The following CUX1 variants were observed in gnomAD, a reference collection of about 807,000 sequenced individuals.
CUX1 encodes protein CASP.
In CUX1, 31 loss-of-function variants were observed where a neutral mutation model predicts 158.8. The ratio of observed to expected loss-of-function variants is 0.20; its 90% CI spans 0.15 to 0.26. The LOEUF (loss-of-function observed/expected upper bound fraction) is 0.26. CUX1 is among the 10% of genes least tolerant of loss of function. The pLI, the probability that CUX1 is intolerant of heterozygous loss-of-function variation, is 1.00. For missense variants in CUX1, 1,589 were observed against 2,014.6 expected (o/e 0.79, Z 4.04); for synonymous variants, 879 against 862.1 (o/e 1.02, Z -0.34).
At chr7:102,016,050 A>G (rs989686464) in intron 2 of CUX1, among the ~76,000 whole-genome samples, 1 of 152,024 alleles carries the variant, frequency 6.6e-6, no homozygotes, top group African/African-American at 2.4e-5. Context: ...CCTAGGCTCA[A>G]GCGATCCTCC....
At chr7:102,010,231 T>C (rs2129294033) in intron 2 of CUX1, among the ~76,000 whole-genome samples, 1 of 151,964 alleles carries the variant, frequency 6.6e-6, no homozygotes, top group Non-Finnish European at 1.5e-5. Context: ...CCGTCTCTAC[T>C]AAATAATACA....
chr7:102,182,216 A>G (rs1269214601), intron 11 of CUX1, among the ~76,000 whole-genome samples: 2 of 152,180 alleles, frequency 1.3e-5, no homozygotes, highest in African/African-American at 2.4e-5. Context: ...TCTTTGAGAC[A>G]TGTGCCAGGG....
chr7:101,875,527 G>A (rs1799036499), intron 1 of CUX1, among the ~76,000 whole-genome samples: 1 of 152,194 alleles, frequency 6.6e-6, no homozygotes, highest in East Asian at 1.9e-4. Context: ...GAAGCTAGGG[G>A]AGGATGAAAA....
intron 2 of CUX1, among the ~76,000 whole-genome samples, chr7:101,997,030 G>A (rs1816007932): frequency 6.8e-6 from 1 of 146,434 alleles, no homozygotes; most frequent in South Asian, 2.1e-4. Flanking sequence ...CTTCAGAGCT[G>A]CTTACCTGGC....
chr7:102,044,293 G>C (rs138897896), intron 3 of CUX1, among the ~76,000 whole-genome samples: 1 of 152,012 alleles, frequency 6.6e-6, no homozygotes, highest in African/African-American at 2.4e-5. Flanking sequence ...AGGTTCCAGC[G>C]ATTCTCCTGC....
At chr7:101,874,801 C>T (rs1330173038) in intron 1 of CUX1, among the ~76,000 whole-genome samples, 1 of 152,182 alleles carries the variant, frequency 6.6e-6, no homozygotes, top group South Asian at 2.1e-4. Context: ...GAGGGTACCA[C>T]GTGGTTGATA....
chr7:102,055,075 A>G lies in CUX1; in HGVS notation c.190-15264A>G, dbSNP rs565186255. On this transcript the variant is annotated intron_variant, in intron 3 of 23. Coordinates refer to ENST00000292535, the MANE Select transcript of CUX1 (RefSeq NM_181552.4). ...AAAAATATTAAGTCTTCCAATCCAT[A>G]AGCATTGGCCATCTTTCCATTTAGT... Among the ~76,000 whole-genome samples, 6 of 152,200 alleles carry G rather than the reference A, an allele frequency of 3.9e-5. No individual in the cohort carries two copies. The South Asian group carries it at 1.2e-3, about 32-fold the overall frequency.
chr7:102,231,341 T>C (rs1243896230), intron 21 of CUX1, among the ~76,000 whole-genome samples: 12 of 151,778 alleles, frequency 7.9e-5, no homozygotes, highest in African/African-American at 2.7e-4. Flanking sequence ...TTTTTTTTTT[T>C]TAAATAGAGA....
At chr7:101,861,968 G>A (rs1405306621) in intron 1 of CUX1, among the ~76,000 whole-genome samples, 1 of 151,986 alleles carries the variant, frequency 6.6e-6, no homozygotes, top group Non-Finnish European at 1.5e-5. Flanking sequence ...CCACGTAGCT[G>A]GGATTACAGG....
rs1217467070 is a variant in CUX1 at position 102,156,808 on chromosome 7, T to C, written c.675-1752T>C. On this transcript the variant is annotated intron_variant, in intron 8 of 23. Coordinates refer to ENST00000292535, the MANE Select transcript of CUX1 (RefSeq NM_181552.4). ...ACATCCAGGACTCTGGCATCCAACG[T>C]GACGTGCAGCCCTGTGAATACAGGA... 2.0e-5 allele frequency among the ~76,000 whole-genome samples: 3 copies of C among 152,306 alleles called. No individual in the cohort carries two copies. The South Asian group carries it at 6.2e-4, about 32-fold the overall frequency.
At position 102,104,445 on chromosome 7, in the gene CUX1, T is replaced by C; in HGVS notation, c.516T>C (p.Phe172=). ...LEKEQKLQND[F]AEKERKLQET... ...AGGAACAGAAGTTACAGAATGACTT[T>C]GCAGAAAAGGAGAGGTGAGCATGAC... Residue 172 remains phenylalanine, a synonymous_variant, in exon 6 of 24, where the codon TTT becomes TTC. Transcript: ENST00000292535. The C allele has an allele frequency of 5.0e-6, 8 of 1,613,320 alleles. No homozygotes were observed. The highest frequency in any genetic ancestry group is 5.1e-6 in the Non-Finnish European group (6 of 1,179,782).
rs782331512 is a variant in CUX1, at chr7:102,205,115, C to T, written c.3075C>T (p.Val1025=). The T allele has an allele frequency of 6.8e-6, 11 of 1,606,004 alleles. No individual in the cohort carries two copies. In the East Asian group the frequency reaches 1.3e-4, roughly 20 times the overall value. The change falls in exon 20 of 24, where the codon GTC becomes GTT. Residue 1025 remains valine, a splice_region_variant and synonymous_variant. Transcript: ENST00000292535. ...LPVQGQQQGP[V]LHSVTSLQDP... is the part of the protein sequence containing the mutation. ...AATTATAACCTTTTTCTACTTTAGT[C>T]CTCCACTCCGTGACATCGCTCCAGG...
intron 3 of CUX1, among the ~76,000 whole-genome samples, chr7:102,060,380 G>A (rs1755127872): frequency 6.6e-6 from 1 of 151,900 alleles, no homozygotes; most frequent in South Asian, 2.1e-4. Flanking sequence ...TGGTGTGGTG[G>A]AAAGAAAGGT....
At chr7:102,145,416 T>C (rs201215624) in intron 8 of CUX1, among the ~76,000 whole-genome samples, 1 of 151,874 alleles carries the variant, frequency 6.6e-6, no homozygotes, top group East Asian at 1.9e-4. Context: ...TGTGGGTGAT[T>C]GTGATGATCT....
intron 2 of CUX1, among the ~76,000 whole-genome samples, chr7:101,950,994 G>A (rs557289306): frequency 6.6e-6 from 1 of 152,304 alleles, no homozygotes; most frequent in South Asian, 2.1e-4. Flanking sequence ...CCCTGGAGGA[G>A]TTTTTCCAAG....
Position 102,103,415 on chromosome 7 carries a change from G to GTT in CUX1, c.407-919_407-918dup, listed in dbSNP as rs1358725338. 5.3e-5 allele frequency among the ~76,000 whole-genome samples: 7 copies of GTT among 133,330 alleles called. No homozygotes were observed. The Admixed American group carries it at 5.3e-4, about 10-fold the overall frequency. 87.5% of individuals were successfully genotyped at this position (133,330 alleles called of 152,430 possible). A position where few individuals can be genotyped will look rare whatever the true frequency, so the allele number is the denominator to read the frequency against. On this transcript the variant is annotated intron_variant, in intron 5 of 23. Coordinates refer to ENST00000292535, the MANE Select transcript of CUX1 (RefSeq NM_181552.4). ...TCTCCCTCTCTTTCTTTTGCTCTCCGTTTCTCTCTCTCTCTCTCTCACTCA... is the reference window on the plus strand; with the variant it reads ...TCTCCCTCTCTTTCTTTTGCTCTCCGTTTTTCTCTCTCTCTCTCTCTCACTCA...
chr7:102,146,982 G>A (rs1296466123), intron 8 of CUX1, among the ~76,000 whole-genome samples: 1 of 152,164 alleles, frequency 6.6e-6, no homozygotes, highest in East Asian at 1.9e-4. Context: ...GTTAATTTCT[G>A]AGCAGACAGA....
chr7:102,195,661 G>A (rs74566154), intron 14 of CUX1, 58 bp downstream of exon 14: 78,153 of 1,465,530 alleles, frequency 0.053, 2,431 homozygotes, highest in African/African-American at 0.13. Context: ...GGGGTCGGTC[G>A]AGGACGAGGA....
intron 1 of CUX1, among the ~76,000 whole-genome samples, chr7:101,879,418 A>G (rs536505532): frequency 1.3e-5 from 2 of 152,228 alleles, no homozygotes; most frequent in South Asian, 4.1e-4. Context: ...TTTTAGTTCT[A>G]GTTTCTAGCT....
Sources: gnomAD v4.1 joint callset for allele counts (sites outside exome capture counted in the v4.1 genomes callset) on GRCh38, gnomAD v4.1.1 for gene constraint, MANE v1.5 for transcripts, NCBI Gene and HGNC (gene_info 2026-07-23, HGNC 2026-07-21) for gene names.